HPSE2: variants seen among roughly 807,000 people sequenced by gnomAD.
HPSE2 encodes inactive heparanase-2.
A neutral mutation model predicts 60.5 loss-of-function variants in HPSE2; 38 were observed. That is an observed-to-expected ratio of 0.63 (90% CI 0.48 to 0.82). The LOEUF is 0.82. HPSE2 is among the 40% of genes least tolerant of loss of function. HPSE2 has a pLI of 0.00. For missense variants in HPSE2, 713 were observed against 740.4 expected (o/e 0.96, Z 0.43); for synonymous variants, 295 against 293.2 (o/e 1.01, Z -0.06).
chr10:99,286,706 A>G, the HPSE2 span, among the ~76,000 whole-genome samples: 7 of 152,236 alleles, frequency 4.6e-5, no homozygotes, highest in East Asian at 1.9e-4. Flanking sequence ...TTTCATCACA[A>G]TAAAAAAGCT....
At chr10:98,537,481 A>G (rs1943319461) in intron 9 of HPSE2, among the ~76,000 whole-genome samples, 1 of 152,230 alleles carries the variant, frequency 6.6e-6, no homozygotes, top group Non-Finnish European at 1.5e-5. Flanking sequence ...ATTATCAATC[A>G]TTATTATAAA....
At chr10:98,639,269 CCT>C (rs1333783516) in intron 7 of HPSE2, among the ~76,000 whole-genome samples, 1 of 152,142 alleles carries the variant, frequency 6.6e-6, no homozygotes, top group Non-Finnish European at 1.5e-5. Flanking sequence ...CAAACCATTC[CCT>C]CTGTACCCTT....
intron 3 of HPSE2, among the ~76,000 whole-genome samples, chr10:99,112,333 G>A (rs1399278693): frequency 1.3e-5 from 2 of 152,154 alleles, no homozygotes; most frequent in Admixed American, 1.3e-4. Context: ...TCCACCTCCT[G>A]GGTTCACACC....
At chr10:99,103,489 C>G (rs200324292) in intron 3 of HPSE2, among the ~76,000 whole-genome samples, 3 of 152,116 alleles carry the variant, frequency 2.0e-5, no homozygotes, top group Admixed American at 1.3e-4. Flanking sequence ...AAAGAGGATA[C>G]AAACAAATGG....
At chr10:98,461,961 A>G in intron 11 of HPSE2, 1 of 722,258 alleles carries the variant, frequency 1.4e-6, no homozygotes, top group South Asian at 1.6e-5. Flanking sequence ...AGCATGGTGA[A>G]GATTCTCTAC....
intron 2 of HPSE2, among the ~76,000 whole-genome samples, chr10:99,146,332 T>C (rs1352700993): frequency 6.6e-6 from 1 of 152,160 alleles, no homozygotes; most frequent in Non-Finnish European, 1.5e-5. Flanking sequence ...AAAACTACAC[T>C]ATACAATTTC....
At chr10:98,588,426 A>T (rs532365817) in intron 9 of HPSE2, among the ~76,000 whole-genome samples, 1 of 152,204 alleles carries the variant, frequency 6.6e-6, no homozygotes, top group Non-Finnish European at 1.5e-5. Context: ...AACCTAGGGC[A>T]GCTACAGTGG....
At chr10:99,252,997 G>GA in the HPSE2 span, among the ~76,000 whole-genome samples, 1 of 151,428 alleles carries the variant, frequency 6.6e-6, no homozygotes, top group Non-Finnish European at 1.5e-5. Context: ...CAAACAAATA[G>GA]AAAAACATTC....
chr10:99,086,323 G>T (rs1367158774), intron 3 of HPSE2, among the ~76,000 whole-genome samples: 1 of 150,466 alleles, frequency 6.6e-6, no homozygotes, highest in Admixed American at 6.6e-5. Context: ...CAGTCTAAAG[G>T]TGGTAATACG....
intron 2 of HPSE2, among the ~76,000 whole-genome samples, chr10:99,163,494 G>A (rs907385588): frequency 9.2e-5 from 14 of 152,182 alleles, no homozygotes; most frequent in East Asian, 1.9e-4. Context: ...GTATGTACAC[G>A]TGTGTACATG....
chr10:99,050,848 G>C (rs909422313), intron 3 of HPSE2, among the ~76,000 whole-genome samples: 7 of 152,014 alleles, frequency 4.6e-5, no homozygotes, highest in African/African-American at 1.5e-4. Flanking sequence ...TGCAGAGTAG[G>C]GATAATAAGG....
intron 2 of HPSE2, among the ~76,000 whole-genome samples, chr10:99,186,741 A>G (rs1421245066): frequency 6.6e-6 from 1 of 152,128 alleles, no homozygotes; most frequent in Non-Finnish European, 1.5e-5. Flanking sequence ...TTTAAAAAAT[A>G]TTAAAGAAAA....
Position 98,708,852 on chromosome 10 carries a change from T to C in HPSE2, c.956+12805A>G, listed in dbSNP as rs150725708. 1.7e-3 allele frequency among the ~76,000 whole-genome samples: 262 copies of C among 152,310 alleles called. 1 individual carries two copies. The highest frequency in any genetic ancestry group is 0.012 in the Admixed American group (184 of 15,288). ...AGTCTTCGAATAATATTTATATTTT[T>C]TAAAAACTAGAAAAGGAAAGCCAAC... On this transcript the variant is annotated intron_variant, in intron 5 of 11. Transcript: ENST00000370552.
At chr10:99,280,634 T>C in the HPSE2 span, among the ~76,000 whole-genome samples, 1 of 152,184 alleles carries the variant, frequency 6.6e-6, no homozygotes, top group African/African-American at 2.4e-5. Flanking sequence ...ATTCGGGAAT[T>C]ATTCAGTACC....
the HPSE2 span, among the ~76,000 whole-genome samples, chr10:99,275,596 C>T: frequency 6.6e-6 from 1 of 152,126 alleles, no homozygotes; most frequent in Non-Finnish European, 1.5e-5. Context: ...AGCTCCTCTC[C>T]CTTCTTTCCT....
At chr10:98,544,321 A>T (rs1311430076) in intron 9 of HPSE2, among the ~76,000 whole-genome samples, 1 of 152,218 alleles carries the variant, frequency 6.6e-6, no homozygotes, top group Non-Finnish European at 1.5e-5. Context: ...TCTGGGACAC[A>T]TTCAAAGCAG....
the HPSE2 span, among the ~76,000 whole-genome samples, chr10:99,278,205 A>C: frequency 2.4e-4 from 36 of 152,324 alleles, no homozygotes; most frequent in African/African-American, 8.4e-4. Flanking sequence ...TGCATGTGAA[A>C]AAAAAGTTTG....
chr10:99,236,657 T>C (rs955879051), upstream of HPSE2, among the ~76,000 whole-genome samples: 6 of 152,030 alleles, frequency 3.9e-5, no homozygotes, highest in Admixed American at 6.5e-5. Context: ...AGGAAAAACA[T>C]AGTGACCTGG....
the HPSE2 span, among the ~76,000 whole-genome samples, chr10:99,284,635 A>G: frequency 6.6e-6 from 1 of 152,208 alleles, no homozygotes; most frequent in Admixed American, 6.5e-5. Context: ...CAAAAGCACA[A>G]GCAACAAAAG....
Sources: allele counts gnomAD v4.1 joint callset (sites outside exome capture counted in the v4.1 genomes callset), GRCh38; gene constraint gnomAD v4.1.1; transcripts MANE v1.5; gene names NCBI Gene and HGNC (gene_info 2026-07-23, HGNC 2026-07-21).